Variants in DCDC1 observed in about 807,000 individuals in gnomAD.
The protein encoded by DCDC1 is doublecortin domain-containing protein 1.
DCDC1 carries 200 observed loss-of-function variants against 178.3 expected under a neutral mutation model. That is an observed-to-expected ratio of 1.12 (90% CI 1.00 to 1.26). The LOEUF is 1.26. Among genes scored for constraint, DCDC1 ranks in the 50% most tolerant of loss-of-function variants. The pLI, the probability that DCDC1 is intolerant of heterozygous loss-of-function variation, is 0.00. For missense variants in DCDC1, 1,983 were observed against 1,749.2 expected, an observed-to-expected ratio of 1.13 and a Z score of -2.38; for synonymous variants, 690 against 604.8, an observed-to-expected ratio of 1.14 and a Z score of -2.07.
intron 8 of DCDC1, among the ~76,000 whole-genome samples, chr11:31,251,013 A>G (rs1049099077): frequency 3.3e-5 from 5 of 152,134 alleles, no homozygotes; most frequent in African/African-American, 1.2e-4. Context: ...TCAGCCTCCC[A>G]AAGTGCTGGG....
chr11:31,208,020 T>C (rs577434206), intron 9 of DCDC1, among the ~76,000 whole-genome samples: 1 of 152,316 alleles, frequency 6.6e-6, no homozygotes, highest in African/African-American at 2.4e-5. Flanking sequence ...TTGATCCTTC[T>C]TTTACTCAGC....
intron 8 of DCDC1, among the ~76,000 whole-genome samples, chr11:31,260,322 T>C (rs1179003083): frequency 2.6e-5 from 4 of 152,228 alleles, no homozygotes; most frequent in Non-Finnish European, 4.4e-5. Context: ...TTTTATTCTT[T>C]TAATTTTAAT....
chr11:31,238,230 T>G (rs1976684695), intron 9 of DCDC1, among the ~76,000 whole-genome samples: 1 of 152,186 alleles, frequency 6.6e-6, no homozygotes, highest in East Asian at 1.9e-4. Context: ...ACACTGCCCA[T>G]CAGCCATTCT....
At chr11:31,325,152 T>A (rs1194574457) in intron 3 of DCDC1, among the ~76,000 whole-genome samples, 1 of 152,178 alleles carries the variant, frequency 6.6e-6, no homozygotes, top group Non-Finnish European at 1.5e-5. Context: ...TACAACATTC[T>A]CCTCATGTAA....
Position 31,307,745 on chromosome 11 carries a change from C to T in DCDC1, c.328G>A (p.Glu110Lys), listed in dbSNP as rs201815238. 13 of 1,614,084 alleles carry T rather than the reference C, an allele frequency of 8.1e-6. No homozygotes were observed. The highest frequency in any genetic ancestry group is 1.0e-5 in the Non-Finnish European group (12 of 1,179,984). The change falls in exon 4 of 39, where the codon GAA becomes AAA. Residue 110 changes from glutamate to lysine, a missense_variant. Transcript: ENST00000684477. ...HQTASDHSHD[E>K]ISDLDSYKSN... ...TTGTAGCTATCTAGGTCTGATATTT[C>T]ATCATGGCTGTGATCTGATGCTGTT...
intron 15 of DCDC1, among the ~76,000 whole-genome samples, chr11:31,097,356 A>G (rs1010827940): frequency 5.3e-5 from 8 of 152,242 alleles, no homozygotes; most frequent in Non-Finnish European, 1.2e-4. Context: ...AAAGAAGTTC[A>G]TAGAGCACAA....
At chr11:31,323,553 T>C (rs1280118163) in intron 3 of DCDC1, among the ~76,000 whole-genome samples, 2 of 152,212 alleles carry the variant, frequency 1.3e-5, no homozygotes, top group Non-Finnish European at 2.9e-5. Context: ...TTGACAAGCA[T>C]ATATTTCTTG....
intron 7 of DCDC1, among the ~76,000 whole-genome samples, chr11:31,284,947 G>A (rs1368025472): frequency 6.6e-6 from 1 of 151,998 alleles, no homozygotes; most frequent in Non-Finnish European, 1.5e-5. Flanking sequence ...CCATGTTAAT[G>A]TCTTAACTGC....
chr11:31,230,088 T>A (rs1420839377), intron 9 of DCDC1, among the ~76,000 whole-genome samples: 1 of 152,136 alleles, frequency 6.6e-6, no homozygotes. Flanking sequence ...CAGATGAGAT[T>A]ATTTTACATA....
At chr11:31,032,465 AC>A (rs2135284514) in intron 20 of DCDC1, among the ~76,000 whole-genome samples, 1 of 152,280 alleles carries the variant, frequency 6.6e-6, no homozygotes, top group African/African-American at 2.4e-5. Flanking sequence ...AACAAAATGA[AC>A]AAATAACACG....
intron 9 of DCDC1, among the ~76,000 whole-genome samples, chr11:31,199,107 C>T (rs1971013088): frequency 6.6e-6 from 1 of 151,828 alleles, no homozygotes; most frequent in Non-Finnish European, 1.5e-5. Flanking sequence ...TAACTAAAAT[C>T]CCAAAATCCA....
intron 4 of DCDC1, among the ~76,000 whole-genome samples, chr11:31,307,114 TA>T (rs1948512883): frequency 6.6e-6 from 1 of 152,170 alleles, no homozygotes; most frequent in South Asian, 2.1e-4. Flanking sequence ...TCACACAAAT[TA>T]AAAACACAAC....
chr11:31,273,945 G>T (rs954768585), intron 7 of DCDC1, among the ~76,000 whole-genome samples: 2 of 151,952 alleles, frequency 1.3e-5, no homozygotes, highest in Non-Finnish European at 2.9e-5. Context: ...CCATCAGATC[G>T]CATGAGACTA....
At position 31,126,536 on chromosome 11, in the gene DCDC1, G is replaced by A. The variant is rs1394963583; in HGVS notation, c.1485+933C>T. On this transcript the variant is annotated intron_variant, in intron 11 of 38. Transcript: ENST00000684477. ...TGGTCAAAAATATAATGTTTCTAAT[G>A]TTACTTGCAGAATAAAACAATATTA... 3.9e-5 allele frequency among the ~76,000 whole-genome samples: 6 copies of A among 152,168 alleles called. No individual in the cohort carries two copies. In the South Asian group the frequency reaches 1.2e-3, roughly 31 times the overall value.
chr11:31,103,177 G>A (rs990007467), intron 14 of DCDC1, among the ~76,000 whole-genome samples: 11 of 152,150 alleles, frequency 7.2e-5, no homozygotes, highest in Non-Finnish European at 8.8e-5. Context: ...GAGCAGAGAC[G>A]AAGCAAAATG....
chr11:31,158,397 G>T (rs769050128), intron 9 of DCDC1, among the ~76,000 whole-genome samples: 2 of 152,004 alleles, frequency 1.3e-5, no homozygotes, highest in African/African-American at 4.8e-5. Context: ...GATTACAGGC[G>T]TGAGCCACCG....
Position 31,305,595 on chromosome 11 carries a change from AT to A in DCDC1, c.754+19del, listed in dbSNP as rs1288387204. 1 of 1,612,036 alleles carries A rather than the reference AT, an allele frequency of 6.2e-7. No individual in the cohort carries two copies. The highest frequency in any genetic ancestry group is 1.3e-5 in the African/African-American group (1 of 74,732). ...AATTCAGTATGTGTGGGGGTAGGGT[AT>A]TTTTTAGATCTTTTTTACCTTTAAT... On this transcript the variant is annotated intron_variant, in intron 6 of 38. Transcript: ENST00000684477.
intron 20 of DCDC1, among the ~76,000 whole-genome samples, chr11:31,048,085 A>C (rs1954977630): frequency 6.6e-6 from 1 of 152,176 alleles, no homozygotes; most frequent in Non-Finnish European, 1.5e-5. Context: ...ATTTGAGGAA[A>C]TCAAGTAATA....
intron 20 of DCDC1, among the ~76,000 whole-genome samples, chr11:31,039,526 A>G (rs923625952): frequency 2.6e-5 from 4 of 152,286 alleles, no homozygotes; most frequent in African/African-American, 9.6e-5. Context: ...TCATATGGTA[A>G]TAAGTGCAAA....
Sources: gnomAD v4.1 joint callset for allele counts (sites outside exome capture counted in the v4.1 genomes callset) on GRCh38, gnomAD v4.1.1 for gene constraint, MANE v1.5 for transcripts, NCBI Gene and HGNC (gene_info 2026-07-23, HGNC 2026-07-21) for gene names.